UGT1A7: variants seen among roughly 807,000 people sequenced by gnomAD.
The protein encoded by UGT1A7 is UDP-glucuronosyltransferase 1A7.
In UGT1A7, 33 loss-of-function variants were observed where a neutral mutation model predicts 45.6. The observed-to-expected ratio is 0.72, with a 90% CI of 0.55 to 0.97. UGT1A7 has a LOEUF of 0.97. Among genes scored for constraint, UGT1A7 ranks in the 50% least tolerant of loss-of-function variants. The pLI, the probability that UGT1A7 is intolerant of heterozygous loss-of-function variation, is 0.00. For missense variants in UGT1A7, 684 were observed against 666.2 expected (o/e 1.03, Z -0.29); for synonymous variants, 274 against 250.6 (o/e 1.09, Z -0.88).
intron 1 of UGT1A7, among the ~76,000 whole-genome samples, chr2:233,740,349 G>A (rs1165997956): frequency 2.0e-5 from 3 of 151,880 alleles, no homozygotes; most frequent in South Asian, 2.1e-4. Flanking sequence ...ATGAGAAAGT[G>A]GAATTAGAAA....
chr2:233,715,654 C>G, intron 1 of UGT1A7, among the ~76,000 whole-genome samples: 1 of 152,044 alleles, frequency 6.6e-6, no homozygotes, highest in East Asian at 1.9e-4. Context: ...CACCTGTGGT[C>G]CCAGCTACTC....
At chr2:233,709,366 GT>G in intron 1 of UGT1A7, among the ~76,000 whole-genome samples, 1 of 152,240 alleles carries the variant, frequency 6.6e-6, no homozygotes, top group South Asian at 2.1e-4. Context: ...AGATTTTTCT[GT>G]GTCCTAATCT....
At chr2:233,764,549 G>A (rs1698590691) in intron 1 of UGT1A7, among the ~76,000 whole-genome samples, 1 of 152,222 alleles carries the variant, frequency 6.6e-6, no homozygotes, top group Non-Finnish European at 1.5e-5. Flanking sequence ...GGGCGTGTGG[G>A]AGGGTGTGCC....
intron 1 of UGT1A7, among the ~76,000 whole-genome samples, chr2:233,737,879 A>G (rs1333884125): frequency 6.6e-6 from 1 of 152,166 alleles, no homozygotes; most frequent in East Asian, 1.9e-4. Flanking sequence ...TTCCACATTA[A>G]CAAAGCTAAT....
intron 1 of UGT1A7, among the ~76,000 whole-genome samples, chr2:233,684,872 G>A (rs1411097993): frequency 6.6e-6 from 1 of 152,138 alleles, no homozygotes; most frequent in Non-Finnish European, 1.5e-5. Flanking sequence ...TGTTTCATAT[G>A]GGCAGGGTGT....
intron 1 of UGT1A7, among the ~76,000 whole-genome samples, chr2:233,727,196 C>T (rs77179634): frequency 0.034 from 5,111 of 152,210 alleles, 99 homozygotes; most frequent in African/African-American, 0.05. Flanking sequence ...CTGGGGTGAC[C>T]TCACTGACAC....
At chr2:233,683,853 A>G (rs1303148540) in intron 1 of UGT1A7, among the ~76,000 whole-genome samples, 3 of 152,160 alleles carry the variant, frequency 2.0e-5, no homozygotes, top group African/African-American at 7.2e-5. Flanking sequence ...TAAGTATGCA[A>G]TATCATCTGC....
intron 1 of UGT1A7, among the ~76,000 whole-genome samples, chr2:233,745,061 T>C (rs115414076): frequency 0.034 from 5,145 of 151,980 alleles, 165 homozygotes; most frequent in African/African-American, 0.052. Context: ...TTATTTGTAT[T>C]ATTTGTATTG....
At chr2:233,748,647 C>A (rs1378497880) in intron 1 of UGT1A7, among the ~76,000 whole-genome samples, 4 of 151,722 alleles carry the variant, frequency 2.6e-5, no homozygotes, top group African/African-American at 9.7e-5. Flanking sequence ...GAATTACACA[C>A]TGAGTTCAGT....
chr2:233,742,756 G>T (rs1692089977), intron 1 of UGT1A7: 1 of 153,056 alleles, frequency 6.5e-6, no homozygotes, highest in Middle Eastern at 3.4e-3. Flanking sequence ...AAAATATTAA[G>T]ATAATAAATG....
At position 233,729,614 on chromosome 2, in the gene UGT1A7, A is replaced by C. The variant is rs775324088; in HGVS notation, c.856-37420A>C. 2.4e-5 allele frequency: 39 copies of C among 1,613,890 alleles called. No individual in the cohort carries two copies. Among genetic ancestry groups the C allele is most frequent in the Non-Finnish European group, 3.2e-5 (38 of 1,179,900 alleles). On this transcript the variant is annotated intron_variant, in intron 1 of 4. Transcript: ENST00000373426. Reference sequence around the variant, plus strand: ...AACCTCTGCGCGGCAGTGCTGGCTAAGTACCTGTCGATTCCTACTGTGTTT... The same window carrying C: ...AACCTCTGCGCGGCAGTGCTGGCTACGTACCTGTCGATTCCTACTGTGTTT...
At chr2:233,753,960 G>C (rs563043918) in intron 1 of UGT1A7, among the ~76,000 whole-genome samples, 1 of 152,300 alleles carries the variant, frequency 6.6e-6, no homozygotes, top group East Asian at 1.9e-4. Flanking sequence ...AAAATATTAA[G>C]AGAATAACGT....
chr2:233,772,831 T>TCACACAAGAAAGCCAGCAAGGAAGCAAGG lies in UGT1A7; in HGVS notation c.*273_*274insACACAAGAAAGCCAGCAAGGAAGCAAGGC. On this transcript the variant is annotated 3_prime_UTR_variant, in exon 5 of 5. Coordinates refer to ENST00000373426, the MANE Select transcript of UGT1A7 (RefSeq NM_019077.3). ...AGAGGACGTGCAGACAGGCTGGCAT[T>TCACACAAGAAAGCCAGCAAGGAAGCAAGG]CTAGATTACTTTTCTTACTCTGAAA... The TCACACAAGAAAGCCAGCAAGGAAGCAAGG allele has an allele frequency of 4.5e-6, 4 of 893,952 alleles. No individual in the cohort carries two copies. Among genetic ancestry groups the TCACACAAGAAAGCCAGCAAGGAAGCAAGG allele is most frequent in the Non-Finnish European group, 6.2e-6 (4 of 642,656 alleles). 55.4% of individuals were successfully genotyped at this position (893,952 alleles called of 1,614,324 possible).
chr2:233,703,514 G>T (rs2125593103), intron 1 of UGT1A7, among the ~76,000 whole-genome samples: 1 of 152,008 alleles, frequency 6.6e-6, no homozygotes, highest in South Asian at 2.1e-4. Flanking sequence ...TCCTGGTGGA[G>T]TGACACTTAT....
chr2:233,696,103 A>G (rs2075324442), intron 1 of UGT1A7, among the ~76,000 whole-genome samples: 1 of 152,246 alleles, frequency 6.6e-6, no homozygotes, highest in South Asian at 2.1e-4. Flanking sequence ...AAAACAAAAC[A>G]AAACAAAAAG....
intron 1 of UGT1A7, among the ~76,000 whole-genome samples, chr2:233,725,178 G>A (rs2077377532): frequency 1.5e-5 from 1 of 68,192 alleles, no homozygotes; most frequent in Admixed American, 1.4e-4. Flanking sequence ...GAGACCGTGG[G>A]GAGAGGCAGA....
In UGT1A7 at chr2:233,767,146, T is replaced by A. The variant is rs372326047; in HGVS notation, c.968T>A (p.Leu323Ter). 2 of 1,614,014 alleles carry A rather than the reference T, an allele frequency of 1.2e-6. No homozygotes were observed. The highest frequency in any genetic ancestry group is 2.7e-5 in the African/African-American group (2 of 74,934). ...AAAGCTATGGCAATTGCTGATGCTT[T>A]GGGCAAAATCCCTCAGACAGTAAGA... Reference protein sequence around the residue: ...EKKAMAIADALGKIPQTVLWR... With the variant: ...EKKAMAIADA The change falls in exon 2 of 5, where the codon TTG becomes TAG. Residue 323 changes from leucine to a stop codon, truncating the protein, a stop_gained. Transcript: ENST00000373426. LOFTEE classifies it high-confidence loss of function.
chr2:233,746,863 GATAA>G lies in UGT1A7; in HGVS notation c.856-20169_856-20166del, dbSNP rs761863158. 2.4e-3 allele frequency among the ~76,000 whole-genome samples: 366 copies of G among 151,888 alleles called. 1 individual carries two copies. The highest frequency in any genetic ancestry group is 3.4e-3 in the Non-Finnish European group (229 of 68,012). The stretch of plus-strand genomic sequence containing the variant: ...ACCTCTCAGACCTCAGCTGCAGCCT[GATAA>G]ACGTGGTTAACAGAGAAGTAGGAGG... On this transcript the variant is annotated intron_variant, in intron 1 of 4. Transcript: ENST00000373426.
intron 1 of UGT1A7, among the ~76,000 whole-genome samples, chr2:233,696,935 T>C (rs2075366322): frequency 6.6e-6 from 1 of 152,194 alleles, no homozygotes; most frequent in Non-Finnish European, 1.5e-5. Context: ...AATAAATGCA[T>C]CAGGATTAAT....
Sources: gnomAD v4.1 joint callset for allele counts (sites outside exome capture counted in the v4.1 genomes callset) on GRCh38, gnomAD v4.1.1 for gene constraint, MANE v1.5 for transcripts, NCBI Gene and HGNC (gene_info 2026-07-23, HGNC 2026-07-21) for gene names.